The following DRC7 variants were observed in gnomAD, a reference collection of about 807,000 sequenced individuals.
DRC7 encodes coiled-coil domain containing 135.
In DRC7, 80 loss-of-function variants were observed where a neutral mutation model predicts 104.4. That is an observed-to-expected ratio of 0.77 (90% CI 0.64 to 0.92). DRC7 has a LOEUF of 0.92. DRC7 is among the 40% of genes least tolerant of loss of function. The probability of loss-of-function intolerance (pLI) is 0.00; values close to 1 mark genes in which losing one functional copy is unlikely to be tolerated. For synonymous variants in DRC7, 405 were observed against 447.3 expected, an observed-to-expected ratio of 0.91 and a Z score of 1.19; for missense variants, 1,034 against 1,141.1, an observed-to-expected ratio of 0.91 and a Z score of 1.35.
intron 14 of DRC7, 81 bp downstream of exon 14, chr16:57,726,364 A>T: frequency 8.2e-7 from 1 of 1,218,838 alleles, no homozygotes; most frequent in South Asian, 1.3e-5. Flanking sequence ...CACTTGGGAG[A>T]ACCAGGATGG....
chr16:57,724,467 C>T, intron 12 of DRC7, 148 bp from the exon 13 acceptor site: 1 of 557,764 alleles, frequency 1.8e-6, no homozygotes, highest in South Asian at 2.7e-5. Context: ...AACCTAAACA[C>T]CCAGCAATAG....
At chr16:57,703,539 G>T (rs535086347) in intron 6 of DRC7, among the ~76,000 whole-genome samples, 3 of 152,304 alleles carry the variant, frequency 2.0e-5, no homozygotes, top group African/African-American at 7.2e-5. Flanking sequence ...AGCACCCAGG[G>T]ACCCCAGGGT....
chr16:57,726,632 T>C, intron 14 of DRC7, 200 bp from the exon 15 acceptor site: 1 of 560,520 alleles, frequency 1.8e-6, no homozygotes, highest in Non-Finnish European at 3.2e-6. Flanking sequence ...CCCGGCACAG[T>C]CCCCAGCTTT....
rs2048904996 is a variant in DRC7, at chr16:57,721,722, T to C, written c.1262T>C (p.Ile421Thr). 3 of 1,613,476 alleles carry C rather than the reference T, an allele frequency of 1.9e-6. No homozygotes were observed. Among genetic ancestry groups the C allele is most frequent in the African/African-American group, 1.3e-5 (1 of 74,882 alleles). ...ATGCCCCACTCGTGGGTGGAGCAGATTGAGATCTCCCCGGAAGGTATTTTC... is the reference window on the plus strand; with the variant it reads ...ATGCCCCACTCGTGGGTGGAGCAGACTGAGATCTCCCCGGAAGGTATTTTC... ...FDMPHSWVEQ[I>T]EISPEAFETR... The change falls in exon 10 of 19, where the codon ATT becomes ACT. Residue 421 changes from isoleucine (I) to threonine (T), a missense_variant. By Grantham distance (89) the Ile-to-Thr change is moderately conservative. Transcript: ENST00000360716.
intron 8 of DRC7, 75 bp downstream of exon 8, chr16:57,707,753 G>A (rs1392319705): frequency 2.2e-6 from 3 of 1,375,786 alleles, no homozygotes; most frequent in Non-Finnish European, 3.0e-6. Context: ...AGCAATGGCA[G>A]CCAGACCTTG....
At position 57,722,785 on chromosome 16, in the gene DRC7, C is replaced by T. The variant is rs1321570445; in HGVS notation, c.1352C>T (p.Pro451Leu). Residue 451 changes from proline to leucine, a missense_variant, in exon 11 of 19, where the codon CCG (proline) becomes CTG (leucine). Coordinates refer to ENST00000360716, the MANE Select transcript of DRC7 (RefSeq NM_001289162.2). ...YKRAKLEKWA[P>L]YLNSNGLVSR... ...AGGGCAAAGCTGGAGAAGTGGGCCC[C>T]GTACCTCAATAGCAATGGCCTTGTG... is the stretch of plus-strand genomic sequence containing the variant. 11 of 1,613,754 alleles carry T rather than the reference C, an allele frequency of 6.8e-6. No individual in the cohort carries two copies. Among genetic ancestry groups the T allele is most frequent in the East Asian group, 2.2e-5 (1 of 44,892 alleles).
At position 57,697,972 on chromosome 16, in the gene DRC7, T is replaced by TGGAGGA. The variant is rs143282103; in HGVS notation, c.35_40dup (p.Glu12_Glu13dup). ...AGAATGGAGGTCCTGAGGGAGAAGGTGGAGGAGGAGGAGGAGGCCGAGCGG... is the reference window on the plus strand; with the variant it reads ...AGAATGGAGGTCCTGAGGGAGAAGGTGGAGGAGGAGGAGGAGGAGGAGGCCGAGCGG... On this transcript the variant is annotated inframe_insertion, in exon 3 of 19. Transcript: ENST00000360716. 10 of 1,606,420 alleles carry TGGAGGA rather than the reference T, an allele frequency of 6.2e-6. No homozygotes were observed. The East Asian group carries it at 2.0e-4, about 33-fold the overall frequency.
intron 7 of DRC7, 123 bp from the exon 8 acceptor site, chr16:57,707,337 G>A: frequency 1.2e-6 from 1 of 807,402 alleles, no homozygotes; most frequent in East Asian, 2.7e-5. Context: ...CACTCCGGTT[G>A]ATGGTGCAGT....
chr16:57,716,361 G>A (rs1356972302), intron 8 of DRC7, among the ~76,000 whole-genome samples: 5 of 151,848 alleles, frequency 3.3e-5, no homozygotes, highest in Admixed American at 3.3e-4. Flanking sequence ...AAATTAGCTG[G>A]GTGTGGTGGC....
rs551763032 is a variant in DRC7 at position 57,718,669 on chromosome 16, A to G, written c.1206+194A>G. ...ACATTGAGGCCCAGAAAGGCCAGAA[A>G]CCTACCCAGGACCTCCCAGTGGGTT... On this transcript the variant is annotated intron_variant, in intron 9 of 18. Transcript: ENST00000360716. Among the ~76,000 whole-genome samples the G allele has an allele frequency of 2.6e-5, 4 of 152,154 alleles. No homozygotes were observed. In the South Asian group the frequency reaches 8.3e-4, roughly 32 times the overall value.
rs562770252 is a variant in DRC7 at position 57,717,915 on chromosome 16, C to T, written c.1078-432C>T. Among the ~76,000 whole-genome samples, 3 of 152,318 alleles carry T rather than the reference C, an allele frequency of 2.0e-5. No homozygotes were observed. In the East Asian group the frequency reaches 5.8e-4, roughly 29 times the overall value. On this transcript the variant is annotated intron_variant, in intron 8 of 18. Transcript: ENST00000360716. ...TTGTTCCTGGCATGGGTAAAATAAA[C>T]AGGAGGAAGCCTTTTTAAAAAACCT...
intron 2 of DRC7, 31 bp from the exon 3 acceptor site, chr16:57,697,882 G>A (rs930175283): frequency 3.9e-5 from 61 of 1,550,282 alleles, no homozygotes; most frequent in East Asian, 6.8e-5. Flanking sequence ...GCTGACAGTC[G>A]GCCATGGAGT....
chr16:57,722,671 C>T (rs1567885013), intron 10 of DRC7, 42 bp from the exon 11 acceptor site: 1 of 1,609,660 alleles, frequency 6.2e-7, no homozygotes, highest in Non-Finnish European at 8.5e-7. Context: ...CCTCCCTTCC[C>T]CCAAACTAGC....
At chr16:57,702,274 G>A (rs938057922) in intron 6 of DRC7, 144 bp downstream of exon 6, 87 of 744,040 alleles carry the variant, frequency 1.2e-4, no homozygotes, top group Middle Eastern at 1.2e-3. Flanking sequence ...CAGCCCTTCC[G>A]CTGCCCTGGA....
At position 57,698,830 on chromosome 16, in the gene DRC7, C is replaced by A. The variant is rs1309403716; in HGVS notation, c.204-20C>A. 1.2e-6 allele frequency: 2 copies of A among 1,610,490 alleles called. No homozygotes were observed. The highest frequency in any genetic ancestry group is 1.7e-5 in the Admixed American group (1 of 59,884). ...TGTGCCAGGCATGGCTTCCCTAATG[C>A]CATCCCTGTTGTGGCACAGGGCCTT... On this transcript the variant is annotated intron_variant, in intron 3 of 18. Coordinates refer to ENST00000360716, the MANE Select transcript of DRC7 (RefSeq NM_001289162.2).
chr16:57,726,790 C>T (rs752904833), intron 14 of DRC7, 42 bp from the exon 15 acceptor site: 1 of 1,345,756 alleles, frequency 7.4e-7, no homozygotes. Context: ...ATGCCCCGAT[C>T]ATGGCAGCCT....
rs1258806762 is a variant in DRC7 at position 57,727,351 on chromosome 16, C to T, written c.2138C>T (p.Thr713Ile). 4 of 1,613,476 alleles carry T rather than the reference C, an allele frequency of 2.5e-6. No homozygotes were observed. Among genetic ancestry groups the T allele is most frequent in the Non-Finnish European group, 3.4e-6 (4 of 1,179,926 alleles). Residue 713 changes from threonine to isoleucine, a missense_variant, in exon 16 of 19, where the codon ACC (threonine) becomes ATC (isoleucine). Coordinates refer to ENST00000360716, the MANE Select transcript of DRC7 (RefSeq NM_001289162.2). ...GAAGAGGAGGCGGCGCACACACTGA[C>T]CATCTCCATCTATGACACCAAGCGG... The part of the protein sequence containing the change: ...REEEEAAHTL[T>I]ISIYDTKRNE...
chr16:57,715,113 T>A (rs1468096148), intron 8 of DRC7, among the ~76,000 whole-genome samples: 1 of 152,204 alleles, frequency 6.6e-6, no homozygotes. Context: ...AGTGGCGCGA[T>A]CTTGGCACAC....
Position 57,706,618 on chromosome 16 carries a change from C to G in DRC7, c.859-842C>G, listed in dbSNP as rs566756272. 3.0e-3 allele frequency among the ~76,000 whole-genome samples: 353 copies of G among 117,604 alleles called. 4 individuals are homozygous for G. Among genetic ancestry groups the G allele is most frequent in the African/African-American group, 0.011 (325 of 30,232 alleles). 77.2% of individuals were successfully genotyped at this position (117,604 alleles called of 152,430 possible). ...TCCGTCCATCCTCCCACCCACCCCCCCATCCGTCCATCCTCCCATCCATTC... is the reference window on the plus strand; with the variant it reads ...TCCGTCCATCCTCCCACCCACCCCCGCATCCGTCCATCCTCCCATCCATTC... On this transcript the variant is annotated intron_variant, in intron 7 of 18. Transcript: ENST00000360716.
Sources: gnomAD v4.1 joint callset for allele counts (sites outside exome capture counted in the v4.1 genomes callset) on GRCh38, gnomAD v4.1.1 for gene constraint, MANE v1.5 for transcripts, NCBI Gene and HGNC (gene_info 2026-07-23, HGNC 2026-07-21) for gene names.